SLC35D2: variants seen among roughly 807,000 people sequenced by gnomAD.
SLC35D2 encodes the protein solute carrier family 35 member D2, also known as nucleotide sugar transporter SLC35D2.
A neutral mutation model predicts 41.8 loss-of-function variants in SLC35D2; 43 were observed. The ratio of observed to expected loss-of-function variants is 1.03; its 90% CI spans 0.81 to 1.33. The LOEUF (loss-of-function observed/expected upper bound fraction) is 1.33, where lower values mean the gene tolerates loss of function less well. Ranked by LOEUF, SLC35D2 falls within the 40% of genes most tolerant of loss-of-function variation. The probability of loss-of-function intolerance (pLI) is 0.00; values close to 1 mark genes in which losing one functional copy is unlikely to be tolerated. For synonymous variants in SLC35D2, 150 were observed against 163.9 expected (o/e 0.92, Z 0.65); for missense variants, 380 against 408.4 (o/e 0.93, Z 0.60).
chr9:96,348,245 T>C (rs1199167815), intron 6 of SLC35D2, among the ~76,000 whole-genome samples: 3 of 152,196 alleles, frequency 2.0e-5, no homozygotes, highest in Non-Finnish European at 4.4e-5. Context: ...GCCATGTAAC[T>C]TGTTTTTGAA....
intron 1 of SLC35D2, among the ~76,000 whole-genome samples, chr9:96,372,395 G>A (rs1830737277): frequency 6.6e-6 from 1 of 152,012 alleles, no homozygotes; most frequent in Non-Finnish European, 1.5e-5. Flanking sequence ...AAAACTGTAT[G>A]TATTGCATGA....
chr9:96,339,529 T>G (rs991467713), intron 8 of SLC35D2, among the ~76,000 whole-genome samples: 1 of 152,220 alleles, frequency 6.6e-6, no homozygotes, highest in Admixed American at 6.5e-5. Flanking sequence ...AATGTAGCAT[T>G]ATTTATTTTT....
At chr9:96,353,779 A>G (rs1829909357) in intron 4 of SLC35D2, among the ~76,000 whole-genome samples, 1 of 152,242 alleles carries the variant, frequency 6.6e-6, no homozygotes, top group Non-Finnish European at 1.5e-5. Context: ...ACACCCAGAG[A>G]TTCCACGATG....
intron 8 of SLC35D2, among the ~76,000 whole-genome samples, chr9:96,338,064 T>A (rs1357809724): frequency 6.6e-6 from 1 of 151,580 alleles, no homozygotes. Context: ...TTAACCCTCT[T>A]GAGGTGACAG....
rs961438794 is a variant in SLC35D2, at chr9:96,344,672, CAT to C, written c.591+625_591+626del. Reference sequence around the variant, plus strand: ...GCACAAAGAGCTTGGAACAAAGAAACATATGCCTGACTCATCCTCCGGGCTTC... The same window carrying C: ...GCACAAAGAGCTTGGAACAAAGAAACATGCCTGACTCATCCTCCGGGCTTC... On this transcript the variant is annotated intron_variant, in intron 7 of 11. Coordinates refer to ENST00000253270, the MANE Select transcript of SLC35D2 (RefSeq NM_007001.3). 4.7e-4 allele frequency among the ~76,000 whole-genome samples: 62 copies of C among 133,208 alleles called. 1 individual carries two copies. The highest frequency in any genetic ancestry group is 1.7e-3 in the African/African-American group (60 of 35,270). The allele number at this position is 133,208 out of a possible 152,430, so 87.4% of individuals were successfully genotyped here. A position where few individuals can be genotyped will look rare whatever the true frequency, so the allele number is the denominator to read the frequency against.
intron 8 of SLC35D2, among the ~76,000 whole-genome samples, chr9:96,339,604 G>T (rs745578484): frequency 6.6e-6 from 1 of 152,030 alleles, no homozygotes; most frequent in Non-Finnish European, 1.5e-5. Context: ...CTGTTGGAAC[G>T]TGAGTCTTTT....
At chr9:96,368,731 TCC>T (rs1370041531) in intron 1 of SLC35D2, among the ~76,000 whole-genome samples, 1 of 147,562 alleles carries the variant, frequency 6.8e-6, no homozygotes, top group Non-Finnish European at 1.5e-5. Context: ...TATATTATAC[TCC>T]CTCTCTCTCT....
chr9:96,351,856 C>T (rs1051080608), intron 5 of SLC35D2, among the ~76,000 whole-genome samples, 182 bp downstream of exon 5: 3 of 152,078 alleles, frequency 2.0e-5, no homozygotes, highest in Non-Finnish European at 2.9e-5. Context: ...GGTAAAATTA[C>T]AACTTTTAAA....
At position 96,383,499 on chromosome 9, in the gene SLC35D2, T is replaced by C. The variant is rs766207755; in HGVS notation, c.136A>G (p.Lys46Glu). Residue 46 changes from lysine (K) to glutamate (E), a missense_variant, in exon 1 of 12, where the codon AAG becomes GAG. Transcript: ENST00000253270. ...CACCCGTAGGTGGTCAGCAGCGCCT[T>C]GTTGACAAGCACGATGAGGAAGGAG... The part of the protein sequence containing the change: ...TCSFLIVLVN[K>E]ALLTTYGFPS... 5.9e-6 allele frequency: 9 copies of C among 1,536,888 alleles called. No homozygotes were observed. In the South Asian group the frequency reaches 9.6e-5, roughly 16 times the overall value.
chr9:96,370,259 T>C (rs1224088198), intron 1 of SLC35D2, among the ~76,000 whole-genome samples: 1 of 152,230 alleles, frequency 6.6e-6, no homozygotes, highest in African/African-American at 2.4e-5. Context: ...TTCTGCCTCC[T>C]GGCATCACTT....
chr9:96,353,083 T>C (rs1829873392), intron 4 of SLC35D2, among the ~76,000 whole-genome samples: 1 of 150,710 alleles, frequency 6.6e-6, no homozygotes, highest in African/African-American at 2.4e-5. Flanking sequence ...TCTAAGGTAA[T>C]AATCAAAAGA....
rs954594908 is a variant in SLC35D2 at position 96,383,537 on chromosome 9, A to T, written c.98T>A (p.Phe33Tyr). ...GATGAGGAAGGAGCAGGTCCCGTAG[A>T]AGAGCGCCGACAGCAGCCGGGCCAC... The part of the protein sequence containing the change: ...SRVARLLSAL[F>Y]YGTCSFLIVL... Residue 33 changes from phenylalanine (F) to tyrosine (Y), a missense_variant, in exon 1 of 12, where the codon TTC (phenylalanine) becomes TAC (tyrosine). Physicochemically the swap from Phe to Tyr is conservative, Grantham distance 22. Coordinates refer to ENST00000253270, the MANE Select transcript of SLC35D2 (RefSeq NM_007001.3). The T allele has an allele frequency of 3.3e-6, 5 of 1,514,306 alleles. No homozygotes were observed. In the Admixed American group the frequency reaches 1.0e-4, roughly 32 times the overall value. 93.8% of individuals were successfully genotyped at this position (1,514,306 alleles called of 1,614,324 possible).
chr9:96,362,656 G>T (rs1430071942), intron 3 of SLC35D2, among the ~76,000 whole-genome samples: 1 of 152,050 alleles, frequency 6.6e-6, no homozygotes, highest in African/African-American at 2.4e-5. Context: ...GTTTACAAGG[G>T]TAATTATTCA....
chr9:96,324,244 T>G, intron 9 of SLC35D2, 75 bp from the exon 10 acceptor site: 1 of 1,192,890 alleles, frequency 8.4e-7, no homozygotes, highest in Non-Finnish European at 1.2e-6. Context: ...AGGCCAGCAG[T>G]GACCCCCACA....
intron 1 of SLC35D2, among the ~76,000 whole-genome samples, chr9:96,382,496 C>CACTCTA (rs200897475): frequency 1.6e-5 from 2 of 127,914 alleles, no homozygotes; most frequent in African/African-American, 5.9e-5. Flanking sequence ...CACACACACA[C>CACTCTA]TATATATATA....
chr9:96,331,996 C>T (rs560170907), intron 9 of SLC35D2, among the ~76,000 whole-genome samples: 35 of 152,286 alleles, frequency 2.3e-4, no homozygotes, highest in African/African-American at 6.0e-4. Flanking sequence ...AGAAACCGGT[C>T]CCTGGTGCTA....
At chr9:96,327,284 G>T (rs1370971426) in intron 9 of SLC35D2, among the ~76,000 whole-genome samples, 1 of 152,164 alleles carries the variant, frequency 6.6e-6, no homozygotes, top group Middle Eastern at 3.2e-3. Flanking sequence ...ACAAGATCTG[G>T]CTATATTACC....
chr9:96,343,228 G>A (rs907860714), intron 8 of SLC35D2, among the ~76,000 whole-genome samples: 1 of 152,224 alleles, frequency 6.6e-6, no homozygotes, highest in Non-Finnish European at 1.5e-5. Flanking sequence ...GCTCCACTGG[G>A]CCTCAGATCT....
Position 96,373,284 on chromosome 9 carries a change from C to T in SLC35D2, c.159-4979G>A, listed in dbSNP as rs116572420. Among the ~76,000 whole-genome samples the T allele has an allele frequency of 7.8e-3, 1,195 of 152,318 alleles. 8 individuals carry two copies. Among genetic ancestry groups the T allele is most frequent in the Middle Eastern group, 0.051 (15 of 294 alleles). ...AAATGCCATACACCCTATAGTTCAA[C>T]AATGTGTAGCCAATCACTAACCAAT... On this transcript the variant is annotated intron_variant, in intron 1 of 11. Transcript: ENST00000253270.
Sources: gnomAD v4.1 joint callset for allele counts (sites outside exome capture counted in the v4.1 genomes callset) on GRCh38, gnomAD v4.1.1 for gene constraint, MANE v1.5 for transcripts, NCBI Gene and HGNC (gene_info 2026-07-23, HGNC 2026-07-21) for gene names.